COL19A1: variants seen among roughly 807,000 people sequenced by gnomAD.
The protein encoded by COL19A1 is collagen alpha-1(XIX) chain.
A neutral mutation model predicts 190.2 loss-of-function variants in COL19A1; 159 were observed. The ratio of observed to expected loss-of-function variants is 0.84; its 90% CI spans 0.73 to 0.95. The LOEUF (loss-of-function observed/expected upper bound fraction) is 0.95, where lower values mean the gene tolerates loss of function less well. Ranked by LOEUF, COL19A1 falls within the 40% of genes least tolerant of loss-of-function variation. The probability of loss-of-function intolerance (pLI) is 0.00; values close to 1 mark genes in which losing one functional copy is unlikely to be tolerated. For missense variants in COL19A1, 1,418 were observed against 1,431.9 expected (o/e 0.99, Z 0.16); for synonymous variants, 509 against 458.9 (o/e 1.11, Z -1.39).
intron 4 of COL19A1, among the ~76,000 whole-genome samples, chr6:69,924,193 G>A (rs1375303646): frequency 6.6e-6 from 1 of 152,078 alleles, no homozygotes; most frequent in Non-Finnish European, 1.5e-5. Context: ...ATGTTGGTGA[G>A]CTGCACCCAT....
intron 15 of COL19A1, among the ~76,000 whole-genome samples, chr6:70,092,462 C>A (rs944483036): frequency 6.6e-6 from 1 of 152,170 alleles, no homozygotes; most frequent in African/African-American, 2.4e-5. Flanking sequence ...GCAGGTAAAA[C>A]AGACAGTAAA....
intron 14 of COL19A1, among the ~76,000 whole-genome samples, chr6:70,053,730 G>A (rs182502987): frequency 1.2e-3 from 176 of 151,902 alleles, no homozygotes; most frequent in South Asian, 2.1e-3. Context: ...CATTTTTAAC[G>A]TTCAGTCTTT....
At chr6:69,898,026 G>A (rs923432898) in intron 2 of COL19A1, among the ~76,000 whole-genome samples, 3 of 152,006 alleles carry the variant, frequency 2.0e-5, no homozygotes, top group African/African-American at 7.2e-5. Context: ...CTGGTGAATC[G>A]GCAATTTCAA....
intron 11 of COL19A1, among the ~76,000 whole-genome samples, chr6:69,999,815 C>G (rs938943641): frequency 3.9e-5 from 6 of 151,904 alleles, no homozygotes; most frequent in African/African-American, 7.3e-5. Flanking sequence ...TGTGTAACTT[C>G]CTTTGTTTAA....
intron 2 of COL19A1, among the ~76,000 whole-genome samples, chr6:69,898,280 A>T (rs1461647496): frequency 1.3e-5 from 2 of 152,194 alleles, no homozygotes; most frequent in Admixed American, 6.5e-5. Context: ...CAATTTAAAC[A>T]TGTCCTAAGA....
chr6:70,059,339 T>G (rs1372189608), intron 14 of COL19A1, among the ~76,000 whole-genome samples: 1 of 152,160 alleles, frequency 6.6e-6, no homozygotes, highest in East Asian at 1.9e-4. Flanking sequence ...AAGCTGTAAA[T>G]GTATCTTGCC....
chr6:70,170,451 G>C (rs916681699), intron 40 of COL19A1, among the ~76,000 whole-genome samples: 26 of 152,116 alleles, frequency 1.7e-4, no homozygotes, highest in African/African-American at 5.8e-4. Flanking sequence ...AACCTTTCTA[G>C]AGGAATATTA....
At chr6:69,966,771 C>A in intron 11 of COL19A1, among the ~76,000 whole-genome samples, 1 of 147,224 alleles carries the variant, frequency 6.8e-6, no homozygotes. Context: ...TCAATAAATA[C>A]TAAAAAAATT....
chr6:69,960,105 A>G (rs1774685009), intron 10 of COL19A1, 65 bp downstream of exon 10: 9 of 1,448,006 alleles, frequency 6.2e-6, no homozygotes, highest in South Asian at 3.6e-5. Context: ...AAATTTGCAC[A>G]TAATATTCTG....
chr6:70,206,868 T>G (rs765709544), intron 49 of COL19A1, 33 bp from the exon 50 acceptor site: 3 of 1,593,538 alleles, frequency 1.9e-6, no homozygotes, highest in Admixed American at 3.5e-5. Context: ...GAACCCTTTT[T>G]GTGTGTCTCT....
chr6:70,021,002 T>C (rs963693356), intron 11 of COL19A1, among the ~76,000 whole-genome samples: 1 of 152,156 alleles, frequency 6.6e-6, no homozygotes, highest in African/African-American at 2.4e-5. Context: ...AGACATTGAC[T>C]CCTACTTTAT....
intron 9 of COL19A1, among the ~76,000 whole-genome samples, chr6:69,942,141 A>T (rs1304187615): frequency 6.6e-6 from 1 of 152,168 alleles, no homozygotes; most frequent in Non-Finnish European, 1.5e-5. Context: ...CAATGTAATA[A>T]AGTGAGAAAA....
intron 11 of COL19A1, among the ~76,000 whole-genome samples, chr6:69,979,199 G>A (rs1486982603): frequency 2.6e-5 from 4 of 151,942 alleles, no homozygotes; most frequent in Admixed American, 6.5e-5. Flanking sequence ...CCTCCAAGAA[G>A]TCAGCATAAT....
intron 16 of COL19A1, among the ~76,000 whole-genome samples, chr6:70,103,287 G>C (rs113165233): frequency 6.6e-6 from 1 of 151,934 alleles, no homozygotes; most frequent in Non-Finnish European, 1.5e-5. Flanking sequence ...CACTGTCAAC[G>C]GCCTTAGTTT....
At chr6:70,177,947 G>C (rs1215430779) in intron 42 of COL19A1, among the ~76,000 whole-genome samples, 1 of 152,200 alleles carries the variant, frequency 6.6e-6, no homozygotes, top group Non-Finnish European at 1.5e-5. Flanking sequence ...ATGTGCAACA[G>C]TGGCCACAGG....
At chr6:70,055,794 A>T (rs866206909) in intron 14 of COL19A1, among the ~76,000 whole-genome samples, 1,882 of 135,998 alleles carry the variant, frequency 0.014, 53 homozygotes, top group African/African-American at 0.052. Context: ...AAAAAAAAAA[A>T]AAAAAAAAAA....
intron 15 of COL19A1, among the ~76,000 whole-genome samples, chr6:70,074,058 A>G (rs1322846883): frequency 6.6e-6 from 1 of 152,184 alleles, no homozygotes; most frequent in Non-Finnish European, 1.5e-5. Flanking sequence ...AATTTTCCTT[A>G]AGCTTATTTG....
At chr6:70,102,105 A>G in intron 15 of COL19A1, 64 bp from the exon 16 acceptor site, 1 of 1,239,202 alleles carries the variant, frequency 8.1e-7, no homozygotes, top group East Asian at 2.3e-5. Context: ...CCCATTTAAT[A>G]TTGTTTGATA....
chr6:69,947,619 T>C (rs1231326080), intron 9 of COL19A1, among the ~76,000 whole-genome samples: 1 of 151,858 alleles, frequency 6.6e-6, no homozygotes, highest in Non-Finnish European at 1.5e-5. Flanking sequence ...GCACTGATTA[T>C]CAAGTGAGTC....
Sources: gnomAD v4.1 joint callset for allele counts (sites outside exome capture counted in the v4.1 genomes callset) on GRCh38, gnomAD v4.1.1 for gene constraint, MANE v1.5 for transcripts, NCBI Gene and HGNC (gene_info 2026-07-23, HGNC 2026-07-21) for gene names.